GFRA1: variants seen among roughly 807,000 people sequenced by gnomAD.
GFRA1 encodes GDNF family receptor alpha-1.
Under a neutral mutation model 51.6 loss-of-function variants are expected in GFRA1, and 16 were observed. The ratio of observed to expected loss-of-function variants is 0.31; its 90% CI spans 0.21 to 0.47. The LOEUF (loss-of-function observed/expected upper bound fraction) is 0.47, where lower values mean the gene tolerates loss of function less well. Ranked by LOEUF, GFRA1 falls within the 20% of genes least tolerant of loss-of-function variation. GFRA1 has a pLI of 1.00. For synonymous variants in GFRA1, 270 were observed against 241.3 expected (o/e 1.12, Z -1.10); for missense variants, 530 against 594.3 (o/e 0.89, Z 1.13).
intron 5 of GFRA1, among the ~76,000 whole-genome samples, chr10:116,175,823 G>A (rs2420245): frequency 2.0e-5 from 3 of 151,970 alleles, no homozygotes; most frequent in Admixed American, 6.6e-5. Context: ...CTCCTTTTAT[G>A]TGTATTGCCT....
chr10:116,240,220 T>G (rs1444947076), intron 4 of GFRA1, among the ~76,000 whole-genome samples: 1 of 152,112 alleles, frequency 6.6e-6, no homozygotes, highest in Non-Finnish European at 1.5e-5. Context: ...CAGGCTGACC[T>G]AAGGCACCAG....
chr10:116,180,301 G>A (rs1025898776), intron 5 of GFRA1, among the ~76,000 whole-genome samples: 18 of 152,142 alleles, frequency 1.2e-4, no homozygotes, highest in Non-Finnish European at 2.1e-4. Context: ...TTTGTGTAGC[G>A]TGTGAGGACA....
At chr10:116,163,623 C>T (rs1019301343) in intron 5 of GFRA1, among the ~76,000 whole-genome samples, 28 of 152,216 alleles carry the variant, frequency 1.8e-4, no homozygotes, top group African/African-American at 6.3e-4. Flanking sequence ...GTGGTCACTC[C>T]CCCAGCATGG....
At chr10:116,191,983 C>T (rs1054792616) in intron 5 of GFRA1, among the ~76,000 whole-genome samples, 6 of 152,118 alleles carry the variant, frequency 3.9e-5, no homozygotes, top group Admixed American at 1.3e-4. Context: ...GCCGAGATCG[C>T]GCCATTGCAC....
At chr10:116,077,804 G>T (rs368341696) in intron 9 of GFRA1, among the ~76,000 whole-genome samples, 3 of 152,298 alleles carry the variant, frequency 2.0e-5, no homozygotes, top group Non-Finnish European at 2.9e-5. Context: ...GGCAGGCTGG[G>T]GGGGACAGCT....
chr10:116,272,358 C>G lies in GFRA1; in HGVS notation c.-246-83G>C. 2.2e-6 allele frequency: 1 copy of G among 449,100 alleles called. No individual in the cohort carries two copies. Among genetic ancestry groups the G allele is most frequent in the South Asian group, 2.4e-5 (1 of 42,028 alleles). 27.8% of individuals were successfully genotyped at this position (449,100 alleles called of 1,614,324 possible). The stretch of plus-strand genomic sequence containing the variant: ...AGAACCCTCTCCCCTCCCCCGTTCC[C>G]GCCTTTGGGGAATTTCCAACACCGG... On this transcript the variant is annotated intron_variant, in intron 1 of 10. Transcript: ENST00000355422. This position sits in a 1 kb window ranked among gnomAD's most constrained non-coding sequence, Gnocchi z 4.4.
intron 9 of GFRA1, among the ~76,000 whole-genome samples, chr10:116,077,803 G>A (rs188064074): frequency 8.5e-5 from 13 of 152,256 alleles, no homozygotes; most frequent in Non-Finnish European, 1.2e-4. Context: ...CGGCAGGCTG[G>A]GGGGGACAGC....
chr10:116,083,478 T>C (rs548696929), intron 9 of GFRA1, among the ~76,000 whole-genome samples: 5 of 152,326 alleles, frequency 3.3e-5, no homozygotes, highest in Admixed American at 1.3e-4. Flanking sequence ...ATTTAGAATA[T>C]TGATTAAGTG....
At chr10:116,127,854 T>G (rs2134035142) in intron 5 of GFRA1, among the ~76,000 whole-genome samples, 1 of 152,378 alleles carries the variant, frequency 6.6e-6, no homozygotes, top group Non-Finnish European at 1.5e-5. Flanking sequence ...TTGATGATAA[T>G]CTAAAACAAA....
At chr10:116,094,675 C>T (rs1956500265) in intron 7 of GFRA1, among the ~76,000 whole-genome samples, 1 of 152,186 alleles carries the variant, frequency 6.6e-6, no homozygotes. Flanking sequence ...CAGTAGTCCG[C>T]AGGGTGTATT....
At chr10:116,222,688 A>C (rs559538792) in intron 4 of GFRA1, among the ~76,000 whole-genome samples, 1 of 152,206 alleles carries the variant, frequency 6.6e-6, no homozygotes, top group East Asian at 1.9e-4. Flanking sequence ...GCAGGCAATT[A>C]GACAGAGATT....
chr10:116,136,002 TTC>T (rs1406057019), intron 5 of GFRA1, among the ~76,000 whole-genome samples: 2 of 152,194 alleles, frequency 1.3e-5, no homozygotes, highest in African/African-American at 2.4e-5. Flanking sequence ...GATACTTTTT[TTC>T]CCCCCAATCT....
In GFRA1 at chr10:116,266,225, T is replaced by C. The variant is rs1272798274; in HGVS notation, c.418+3278A>G. On this transcript the variant is annotated intron_variant, in intron 4 of 10. Transcript: ENST00000355422. ...GAGGATTCAGCTCACCCTTAGTGTA[T>C]GTGGATAAACATGCTCTTCATGTTG... Among the ~76,000 whole-genome samples the C allele has an allele frequency of 4.6e-5, 7 of 152,148 alleles. No individual in the cohort carries two copies. In the East Asian group the frequency reaches 1.4e-3, roughly 29 times the overall value.
chr10:116,096,448 G>C (rs1271631334), intron 7 of GFRA1, among the ~76,000 whole-genome samples: 1 of 151,586 alleles, frequency 6.6e-6, no homozygotes, highest in Admixed American at 6.6e-5. Context: ...TCCTGCCTCT[G>C]CCTTTCACGC....
intron 5 of GFRA1, among the ~76,000 whole-genome samples, chr10:116,187,796 T>C (rs1004199471): frequency 3.3e-5 from 5 of 151,974 alleles, no homozygotes; most frequent in Non-Finnish European, 7.4e-5. Context: ...CCATGGAAAA[T>C]CTAGATGAAG....
In GFRA1 at chr10:116,184,991, G is replaced by GT. The variant is rs141477629; in HGVS notation, c.433+26639dup. Among the ~76,000 whole-genome samples the GT allele has an allele frequency of 9.9e-3, 1,507 of 152,238 alleles. 21 individuals carry two copies. Among genetic ancestry groups the GT allele is most frequent in the African/African-American group, 0.034 (1,430 of 41,538 alleles). ...TTCCTCAAAATACAAGCTTTTTTGT[G>GT]TGTGTTTTTCCATCGAAAAATATAT... On this transcript the variant is annotated intron_variant, in intron 5 of 10. Transcript: ENST00000355422.
At chr10:116,191,606 T>G (rs2134325354) in intron 5 of GFRA1, among the ~76,000 whole-genome samples, 1 of 152,298 alleles carries the variant, frequency 6.6e-6, no homozygotes, top group East Asian at 1.9e-4. Flanking sequence ...AACTAGACTG[T>G]CTCCTCAAGT....
chr10:116,147,557 CTG>C (rs5788138), intron 5 of GFRA1, among the ~76,000 whole-genome samples: 86,555 of 151,788 alleles, frequency 0.57, 24,813 homozygotes, highest in Middle Eastern at 0.65. Flanking sequence ...TAGTGTGACT[CTG>C]TCACCACAAG....
chr10:116,214,219 G>A (rs982294709), intron 4 of GFRA1, among the ~76,000 whole-genome samples: 2 of 152,226 alleles, frequency 1.3e-5, no homozygotes, highest in African/African-American at 4.8e-5. Context: ...CCACTGTGAA[G>A]TTTATTCCCA....
Sources: allele counts gnomAD v4.1 joint callset (sites outside exome capture counted in the v4.1 genomes callset), GRCh38; gene constraint gnomAD v4.1.1; non-coding constraint Gnocchi (gnomAD v3.1); transcripts MANE v1.5; gene names NCBI Gene and HGNC (gene_info 2026-07-23, HGNC 2026-07-21).